The following CHD1L variants were observed in gnomAD, a reference collection of about 807,000 sequenced individuals.
CHD1L encodes ATP-dependent chromatin remodeler CHD1L.
Under a neutral mutation model 115.9 loss-of-function variants are expected in CHD1L, and 118 were observed. The ratio of observed to expected loss-of-function variants is 1.02; its 90% confidence interval spans 0.88 to 1.19. The LOEUF (loss-of-function observed/expected upper bound fraction) is 1.19. CHD1L is among the 50% of genes most tolerant of loss of function. The pLI is 0.00. For synonymous variants in CHD1L, 411 were observed against 387.1 expected (o/e 1.06, Z -0.72); for missense variants, 1,179 against 1,065.3 (o/e 1.11, Z -1.49).
At chr1:147,256,507 T>A (rs372510760) in intron 4 of CHD1L, 24 bp from the exon 5 acceptor site, 69 of 1,608,954 alleles carry the variant, frequency 4.3e-5, no homozygotes, top group Non-Finnish European at 5.5e-5. Flanking sequence ...CCAGCCTTTA[T>A]AACGTGTCTT....
At chr1:147,234,076 C>T in the CHD1L span, among the ~76,000 whole-genome samples, 1 of 152,102 alleles carries the variant, frequency 6.6e-6, no homozygotes. Context: ...GCGAGAAACA[C>T]CCAAGAATGA....
intron 8 of CHD1L, among the ~76,000 whole-genome samples, chr1:147,266,649 C>T (rs587750239): frequency 6.6e-6 from 1 of 152,182 alleles, no homozygotes; most frequent in Admixed American, 6.5e-5. Flanking sequence ...TTTTGTTCAA[C>T]TGATCTTTAT....
At chr1:147,231,896 C>T in the CHD1L span, among the ~76,000 whole-genome samples, 2 of 152,322 alleles carry the variant, frequency 1.3e-5, no homozygotes, top group East Asian at 1.9e-4. Context: ...GGCGATGCCT[C>T]GCCCTGCTTC....
chr1:147,203,520 AAGTTT>A, the CHD1L span: 41 of 886,194 alleles, frequency 4.6e-5, no homozygotes, highest in African/African-American at 4.5e-4. Context: ...GTACTGCATA[AAGTTT>A]AGAGATTACT....
At chr1:147,253,348 C>G (rs1181568670) in intron 2 of CHD1L, among the ~76,000 whole-genome samples, 1 of 152,172 alleles carries the variant, frequency 6.6e-6, no homozygotes, top group African/African-American at 2.4e-5. Flanking sequence ...GGTTTTAATT[C>G]AATAAGCCAC....
At chr1:147,232,202 G>T in the CHD1L span, among the ~76,000 whole-genome samples, 92 of 152,250 alleles carry the variant, frequency 6.0e-4, no homozygotes, top group Non-Finnish European at 8.8e-4. Flanking sequence ...TATACTTTTT[G>T]CTGAATTAAA....
chr1:147,244,986 GTTTAA>G (rs1420980097), intron 1 of CHD1L, among the ~76,000 whole-genome samples: 3 of 152,124 alleles, frequency 2.0e-5, no homozygotes, highest in South Asian at 2.1e-4. Flanking sequence ...CTATCGTATT[GTTTAA>G]TTTAATGTTT....
chr1:147,256,865 G>C (rs587743577), intron 5 of CHD1L, among the ~76,000 whole-genome samples: 15 of 152,280 alleles, frequency 9.9e-5, no homozygotes, highest in Admixed American at 9.8e-4. Flanking sequence ...TACTTTGTAT[G>C]GTTAATAGAT....
At chr1:147,213,387 C>T in the CHD1L span, 2 of 1,613,804 alleles carry the variant, frequency 1.2e-6, no homozygotes, top group Non-Finnish European at 1.7e-6. Flanking sequence ...CATTCATCTC[C>T]TTTTTCCCTT....
At chr1:147,280,975 G>T (rs1425691047) in intron 15 of CHD1L, among the ~76,000 whole-genome samples, 2 of 152,062 alleles carry the variant, frequency 1.3e-5, no homozygotes, top group East Asian at 3.8e-4. Flanking sequence ...TCACTAGATG[G>T]TAGCTCCTTT....
At chr1:147,200,839 G>T in the CHD1L span, among the ~76,000 whole-genome samples, 1 of 152,072 alleles carries the variant, frequency 6.6e-6, no homozygotes, top group Non-Finnish European at 1.5e-5. Context: ...CTAATTTGGA[G>T]TACACATTGG....
the CHD1L span, among the ~76,000 whole-genome samples, chr1:147,228,373 T>C: frequency 2.0e-5 from 3 of 152,172 alleles, no homozygotes; most frequent in African/African-American, 7.2e-5. Context: ...TATTCCATGG[T>C]GTATATGTGC....
chr1:147,279,928 A>G, intron 14 of CHD1L, 98 bp from the exon 15 acceptor site: 7 of 1,226,296 alleles, frequency 5.7e-6, no homozygotes, highest in South Asian at 5.3e-5. Context: ...TTAGAGAAGG[A>G]CTGTGCCTGG....
intron 12 of CHD1L, among the ~76,000 whole-genome samples, chr1:147,274,857 G>A (rs1266518144): frequency 6.6e-6 from 1 of 152,158 alleles, no homozygotes; most frequent in African/African-American, 2.4e-5. Context: ...CTGCTCAGGA[G>A]TATAATATCA....
rs1553937204 is a variant in CHD1L, at chr1:147,252,640, T to C, written c.145T>C (p.Tyr49His). The C allele has an allele frequency of 9.9e-6, 16 of 1,613,894 alleles. No homozygotes were observed. Among genetic ancestry groups the C allele is most frequent in the African/African-American group, 1.3e-5 (1 of 74,932 alleles). Residue 49 changes from tyrosine (Y) to histidine (H), a missense_variant, in exon 2 of 23, where the codon TAC (tyrosine) becomes CAC (histidine). Tyr to His is a moderately conservative substitution (Grantham distance 83). Transcript: ENST00000369258. The part of the protein sequence containing the change: ...WGLTGIHLRS[Y>H]QLEGVNWLAQ... ...GTTTCTAGGGATTCACCTACGCTCTTACCAGCTGGAGGGAGTAAACTGGCT... is the reference window on the plus strand; with the variant it reads ...GTTTCTAGGGATTCACCTACGCTCTCACCAGCTGGAGGGAGTAAACTGGCT...
the CHD1L span, among the ~76,000 whole-genome samples, chr1:147,237,303 C>T: frequency 6.6e-6 from 1 of 152,112 alleles, no homozygotes; most frequent in East Asian, 1.9e-4. Context: ...ATGCCCAGGT[C>T]TGCAGCTGTG....
At chr1:147,178,699 T>A in the CHD1L span, 3 of 1,576,956 alleles carry the variant, frequency 1.9e-6, no homozygotes, top group Non-Finnish European at 2.6e-6. Flanking sequence ...GGTGAACGAG[T>A]ATGATGATAA....
the CHD1L span, chr1:147,204,072 C>T: frequency 2.6e-6 from 3 of 1,140,304 alleles, no homozygotes; most frequent in Admixed American, 5.0e-5. Flanking sequence ...ACAACATTTG[C>T]ACCAGTATCA....
the CHD1L span, chr1:147,178,591 T>G: frequency 6.2e-7 from 1 of 1,604,814 alleles, no homozygotes; most frequent in African/African-American, 1.3e-5. Flanking sequence ...AGTAGGTTTT[T>G]TCGATGATTC....
Sources: gnomAD v4.1 joint callset for allele counts (sites outside exome capture counted in the v4.1 genomes callset) on GRCh38, gnomAD v4.1.1 for gene constraint, MANE v1.5 for transcripts, NCBI Gene and HGNC (gene_info 2026-07-23, HGNC 2026-07-21) for gene names.